The following BLTP2 variants were observed in gnomAD, a reference collection of about 807,000 sequenced individuals.
The protein encoded by BLTP2 is U937-associated antigen.
the BLTP2 span, chr17:28,616,457 T>C: frequency 6.2e-7 from 1 of 1,614,114 alleles, no homozygotes; most frequent in Non-Finnish European, 8.5e-7. This position sits in a 1 kb window ranked among gnomAD's most constrained non-coding sequence, Gnocchi z 4.8. Context: ...CAGGGCCCAG[T>C]GGTACTGCAT....
At chr17:28,620,373 C>T in the BLTP2 span, 1 of 995,172 alleles carries the variant, frequency 1.0e-6, no homozygotes, top group Non-Finnish European at 1.5e-6. Flanking sequence ...ATTGTCACTG[C>T]CGACTAAGAG....
the BLTP2 span, chr17:28,639,253 G>C: frequency 1.3e-6 from 2 of 1,564,774 alleles, no homozygotes; most frequent in Non-Finnish European, 1.8e-6. Flanking sequence ...ATGCCAATTT[G>C]GACCAAAAGA....
chr17:28,638,129 T>C, the BLTP2 span: 2 of 1,607,656 alleles, frequency 1.2e-6, no homozygotes, highest in South Asian at 1.1e-5. Flanking sequence ...ATTAGAAGTA[T>C]GCAGGCGCAC....
the BLTP2 span, chr17:28,643,471 C>T: frequency 7.6e-7 from 1 of 1,318,070 alleles, no homozygotes; most frequent in Non-Finnish European, 1.1e-6. Context: ...AACACAATGG[C>T]ACCCAGGCTA....
chr17:28,625,831 T>C, the BLTP2 span, among the ~76,000 whole-genome samples: 16 of 152,148 alleles, frequency 1.1e-4, no homozygotes, highest in Non-Finnish European at 2.4e-4. Context: ...AATGGCGCAA[T>C]CTCGGCTCAC....
At chr17:28,634,188 A>T in the BLTP2 span, 35 of 1,030,484 alleles carry the variant, frequency 3.4e-5, no homozygotes, top group Admixed American at 7.5e-5. Context: ...TATATTTACA[A>T]AGTCAATTGA....
the BLTP2 span, among the ~76,000 whole-genome samples, chr17:28,637,502 A>C: frequency 2.4e-3 from 360 of 152,274 alleles, no homozygotes; most frequent in Admixed American, 0.021. Flanking sequence ...TGCCTTTCAT[A>C]AGCCCTTAAG....
the BLTP2 span, chr17:28,643,529 C>T: frequency 6.9e-7 from 1 of 1,447,564 alleles, no homozygotes; most frequent in South Asian, 1.1e-5. Context: ...GATTGTGATG[C>T]CTCTGCAGAA....
chr17:28,633,449 C>T, the BLTP2 span: 5 of 1,582,138 alleles, frequency 3.2e-6, no homozygotes, highest in South Asian at 3.3e-5. Context: ...AGAAAACCAT[C>T]CTCATCTCCC....
the BLTP2 span, chr17:28,617,036 G>T: frequency 6.7e-7 from 1 of 1,487,978 alleles, no homozygotes; most frequent in Non-Finnish European, 9.3e-7. Flanking sequence ...CCAACCCAAT[G>T]TCCTTCCTGC....
the BLTP2 span, chr17:28,643,571 T>C: frequency 6.3e-7 from 1 of 1,590,082 alleles, no homozygotes; most frequent in African/African-American, 1.3e-5. Flanking sequence ...AACTCCAAAG[T>C]ACTCTTCTAG....
the BLTP2 span, chr17:28,615,290 G>A: frequency 6.7e-7 from 1 of 1,492,470 alleles, no homozygotes; most frequent in East Asian, 2.3e-5. Context: ...AATATTAGTG[G>A]GCAGGCAGAA....
chr17:28,639,368 T>A, the BLTP2 span: 6 of 1,614,146 alleles, frequency 3.7e-6, no homozygotes, highest in African/African-American at 8.0e-5. Context: ...TTTCCAGTGC[T>A]AGCAGGTGCA....
chr17:28,635,504 T>A, the BLTP2 span: 3 of 1,614,144 alleles, frequency 1.9e-6, no homozygotes, highest in Non-Finnish European at 2.5e-6. Context: ...GGAAACACAG[T>A]GGCTCTTAGT....
chr17:28,635,638 C>T, the BLTP2 span: 2 of 1,579,318 alleles, frequency 1.3e-6, no homozygotes, highest in Non-Finnish European at 1.7e-6. Context: ...AAGGATCTGT[C>T]AATTACCATG....
At chr17:28,640,071 CCTA>C in the BLTP2 span, 18 of 1,599,804 alleles carry the variant, frequency 1.1e-5, no homozygotes, top group Middle Eastern at 2.2e-4. Flanking sequence ...GAATGCCATT[CCTA>C]CTTCTTTTAC....
chr17:28,621,853 T>G, the BLTP2 span, among the ~76,000 whole-genome samples: 1 of 152,230 alleles, frequency 6.6e-6, no homozygotes, highest in African/African-American at 2.4e-5. Context: ...TTTGTGTTCT[T>G]GCTTTTTCTA....
the BLTP2 span, among the ~76,000 whole-genome samples, chr17:28,624,871 C>T: frequency 6.6e-6 from 1 of 152,118 alleles, no homozygotes; most frequent in Non-Finnish European, 1.5e-5. Flanking sequence ...TGGCATGTTC[C>T]CTTCTCTTTC....
chr17:28,626,748 G>T, the BLTP2 span, among the ~76,000 whole-genome samples: 1 of 152,238 alleles, frequency 6.6e-6, no homozygotes, highest in African/African-American at 2.4e-5. Flanking sequence ...CCTGCCTGGG[G>T]AGGGCACAGA....
Sources: gnomAD v4.1 joint callset for allele counts (sites outside exome capture counted in the v4.1 genomes callset) on GRCh38, gnomAD v4.1.1 for gene constraint, Gnocchi (gnomAD v3.1) non-coding constraint, MANE v1.5 for transcripts, NCBI Gene and HGNC (gene_info 2026-07-23, HGNC 2026-07-21) for gene names.